Variants in LARGE1 observed in about 807,000 individuals in gnomAD.
LARGE1 encodes the protein LARGE xylosyl- and glucuronyltransferase 1.
In LARGE1, 43 loss-of-function variants were observed where a neutral mutation model predicts 87.6. The ratio of observed to expected loss-of-function variants is 0.49; its 90% CI spans 0.38 to 0.63. The LOEUF (loss-of-function observed/expected upper bound fraction) is 0.63, where lower values mean the gene tolerates loss of function less well. Ranked by LOEUF, LARGE1 falls within the 30% of genes least tolerant of loss-of-function variation. LARGE1 has a pLI of 0.00. For missense variants in LARGE1, 802 were observed against 1,000.2 expected, an observed-to-expected ratio of 0.80 and a Z score of 2.67; for synonymous variants, 434 against 394.6, an observed-to-expected ratio of 1.10 and a Z score of -1.18.
chr22:33,634,140 T>C (rs2080193431), intron 3 of LARGE1, among the ~76,000 whole-genome samples: 2 of 152,360 alleles, frequency 1.3e-5, no homozygotes, highest in East Asian at 1.9e-4. Flanking sequence ...CAAGACACTG[T>C]TCAGAGTCCT....
At chr22:33,238,117 C>A (rs1445899000) in intron 11 of LARGE1, among the ~76,000 whole-genome samples, 1 of 151,964 alleles carries the variant, frequency 6.6e-6, no homozygotes, top group Non-Finnish European at 1.5e-5. Context: ...AAACAACAAC[C>A]AAAAAAGCTG....
intron 11 of LARGE1, among the ~76,000 whole-genome samples, chr22:33,242,500 T>C (rs1176252149): frequency 6.6e-6 from 1 of 152,200 alleles, no homozygotes; most frequent in Non-Finnish European, 1.5e-5. Context: ...AGCTATTTTA[T>C]ACAATTTTGG....
intron 11 of LARGE1, among the ~76,000 whole-genome samples, chr22:33,231,765 C>T (rs1260824146): frequency 1.3e-5 from 2 of 152,204 alleles, no homozygotes; most frequent in Non-Finnish European, 2.9e-5. Context: ...CAATCCAAGT[C>T]TCCTGGCTCC....
chr22:33,908,390 G>A (rs2065520322), intron 1 of LARGE1, among the ~76,000 whole-genome samples: 2 of 152,222 alleles, frequency 1.3e-5, no homozygotes, highest in South Asian at 4.1e-4. Context: ...CCTGAGCTGG[G>A]TTCTGAAGGA....
chr22:33,373,505 G>A (rs1001128219), intron 9 of LARGE1, among the ~76,000 whole-genome samples: 12 of 152,128 alleles, frequency 7.9e-5, no homozygotes, highest in Non-Finnish European at 1.3e-4. Context: ...TGTCTCAGAA[G>A]TTCAACTTTT....
At position 33,309,022 on chromosome 22, in the gene LARGE1, T is replaced by A. The variant is rs192219905; in HGVS notation, c.1452-4515A>T. Among the ~76,000 whole-genome samples, 15 of 152,332 alleles carry A rather than the reference T, an allele frequency of 9.8e-5. No individual in the cohort carries two copies. In the East Asian group the frequency reaches 2.9e-3, roughly 29 times the overall value. On this transcript the variant is annotated intron_variant, in intron 11 of 14. Coordinates refer to ENST00000397394, the MANE Select transcript of LARGE1 (RefSeq NM_133642.5). ...ATAAATATTTGTTATTTCCAATGCA[T>A]CTGGTATACTATACAGGCAAGGGGC...
At chr22:33,727,409 C>T (rs1475024100) in intron 2 of LARGE1, 2 of 152,086 alleles carry the variant, frequency 1.3e-5, no homozygotes, top group Non-Finnish European at 2.9e-5. Flanking sequence ...GGAACCAAGA[C>T]CCATAAAGGT....
intron 12 of LARGE1, among the ~76,000 whole-genome samples, chr22:33,300,541 A>T (rs1934008150): frequency 6.6e-6 from 1 of 151,522 alleles, no homozygotes; most frequent in East Asian, 1.9e-4. Flanking sequence ...ATGCTCAGCA[A>T]TTTTTTTTCT....
chr22:33,194,141 T>G (rs1923944407), intron 11 of LARGE1, among the ~76,000 whole-genome samples: 1 of 151,256 alleles, frequency 6.6e-6, no homozygotes, highest in South Asian at 2.1e-4. Context: ...TAAAAGAGAA[T>G]TGGCCCCAAT....
intron 1 of LARGE1, among the ~76,000 whole-genome samples, chr22:33,785,066 T>G (rs1254173936): frequency 2.2e-5 from 3 of 138,712 alleles, no homozygotes; most frequent in Non-Finnish European, 4.7e-5. Flanking sequence ...TGTATATAGA[T>G]ATATGTGTAT....
chr22:33,371,076 T>C (rs2064792139), intron 9 of LARGE1, among the ~76,000 whole-genome samples: 1 of 150,960 alleles, frequency 6.6e-6, no homozygotes, highest in Non-Finnish European at 1.5e-5. Context: ...AATAACATGT[T>C]ATATGAATAA....
chr22:33,166,337 A>AG (rs11404938), exon 12 of LARGE1: 101,287 of 163,598 alleles, frequency 0.62, 31,800 homozygotes, highest in Middle Eastern at 0.68. Context: ...CGTAATCATC[A>AG]GGCCACTTCA....
At chr22:33,664,235 T>C (rs1348805266) in intron 2 of LARGE1, among the ~76,000 whole-genome samples, 3 of 152,210 alleles carry the variant, frequency 2.0e-5, no homozygotes, top group Admixed American at 6.5e-5. Context: ...AGTCCTTTCA[T>C]GTCCCCACAT....
At chr22:33,113,138 T>C in the LARGE1 span, among the ~76,000 whole-genome samples, 4 of 152,352 alleles carry the variant, frequency 2.6e-5, no homozygotes, top group African/African-American at 7.2e-5. Flanking sequence ...TAGAAACTAT[T>C]TTAAGCACCA....
At chr22:33,143,327 AT>A in the LARGE1 span, among the ~76,000 whole-genome samples, 2 of 152,184 alleles carry the variant, frequency 1.3e-5, no homozygotes, top group African/African-American at 4.8e-5. Flanking sequence ...GGTTAAAAAA[AT>A]AACCCCAACT....
chr22:33,329,924 C>T (rs1937531948), intron 10 of LARGE1, among the ~76,000 whole-genome samples: 1 of 151,932 alleles, frequency 6.6e-6, no homozygotes, highest in Non-Finnish European at 1.5e-5. Context: ...TGAATGGAAA[C>T]TTTCTATGCT....
intron 11 of LARGE1, among the ~76,000 whole-genome samples, chr22:33,204,345 A>G (rs1924577785): frequency 2.0e-5 from 3 of 152,188 alleles, no homozygotes; most frequent in Non-Finnish European, 1.5e-5. Context: ...AGAGTCATAA[A>G]ATGGCTTATT....
At chr22:33,759,449 G>GCTT (rs904141175) in intron 2 of LARGE1, among the ~76,000 whole-genome samples, 6 of 152,144 alleles carry the variant, frequency 3.9e-5, no homozygotes, top group Non-Finnish European at 7.4e-5. Flanking sequence ...GATCACTGAA[G>GCTT]CTTATCTGCC....
intron 6 of LARGE1, among the ~76,000 whole-genome samples, chr22:33,482,069 T>C (rs1162068120): frequency 6.6e-6 from 1 of 152,206 alleles, no homozygotes; most frequent in Admixed American, 6.5e-5. Flanking sequence ...AGCTCTTAAA[T>C]CTAACTGAAA....
Sources: gnomAD v4.1 joint callset for allele counts (sites outside exome capture counted in the v4.1 genomes callset) on GRCh38, gnomAD v4.1.1 for gene constraint, MANE v1.5 for transcripts, NCBI Gene and HGNC (gene_info 2026-07-23, HGNC 2026-07-21) for gene names.